The following ETV1 variants were observed in gnomAD, a reference collection of about 807,000 sequenced individuals.
The protein encoded by ETV1 is ETS translocation variant 1.
Under a neutral mutation model 62.3 loss-of-function variants are expected in ETV1, and 27 were observed. The observed-to-expected ratio is 0.43, with a 90% CI of 0.32 to 0.60. The LOEUF (loss-of-function observed/expected upper bound fraction) is 0.60. ETV1 is among the 20% of genes least tolerant of loss of function. The pLI is 0.06. For missense variants in ETV1, 605 were observed against 605.8 expected, an observed-to-expected ratio of 1.00 and a Z score of 0.01; for synonymous variants, 222 against 199.6, an observed-to-expected ratio of 1.11 and a Z score of -0.94.
intron 6 of ETV1, among the ~76,000 whole-genome samples, chr7:13,963,865 G>A (rs1790467275): frequency 6.6e-6 from 1 of 152,132 alleles, no homozygotes; most frequent in Non-Finnish European, 1.5e-5. Context: ...CACAAAATGG[G>A]ATGACTGACG....
At chr7:13,973,389 T>C (rs1781093071) in intron 6 of ETV1, among the ~76,000 whole-genome samples, 1 of 152,200 alleles carries the variant, frequency 6.6e-6, no homozygotes, top group Non-Finnish European at 1.5e-5. Context: ...CTGCCCCCAC[T>C]AAGCATACCC....
intron 6 of ETV1, among the ~76,000 whole-genome samples, chr7:13,968,841 T>C (rs34971179): frequency 0.011 from 1,602 of 152,244 alleles, 37 homozygotes; most frequent in African/African-American, 0.037. Context: ...CCAAGGTCTA[T>C]GATTTAGATT....
chr7:13,921,618 C>T (rs1300704665), intron 9 of ETV1, among the ~76,000 whole-genome samples: 2 of 152,158 alleles, frequency 1.3e-5, no homozygotes, highest in Admixed American at 6.6e-5. Context: ...AGAAAAACTG[C>T]CCAGTCTTTG....
At chr7:13,916,243 G>T (rs1270388627) in intron 9 of ETV1, among the ~76,000 whole-genome samples, 1 of 152,194 alleles carries the variant, frequency 6.6e-6, no homozygotes, top group Non-Finnish European at 1.5e-5. Context: ...TAGCTCGGAT[G>T]TACTGAATCT....
At position 13,911,293 on chromosome 7, in the gene ETV1, G is replaced by A. The variant is rs761678364; in HGVS notation, c.817C>T (p.His273Tyr). Residue 273 changes from histidine (H) to tyrosine (Y), a missense_variant, in exon 10 of 14, where the codon CAC (histidine) becomes TAC (tyrosine). Around this residue, in one of 3 missense-constraint regions of ETV1, gnomAD observed 426 missense variants for 377.8 expected, o/e 1.13. Transcript: ENST00000430479. ...CCTTCTTGCCTCATATAAATGGAGT[G>A]GCAGCTAGGCACTTCTGAAAGAGGA... ...FAYDSEVPSC[H>Y]SIYMRQEGFL... The A allele has an allele frequency of 6.2e-7, 1 of 1,612,096 alleles. No individual in the cohort carries two copies. The highest frequency in any genetic ancestry group is 2.2e-5 in the East Asian group (1 of 44,840).
intron 6 of ETV1, among the ~76,000 whole-genome samples, chr7:13,959,584 T>C (rs1055136450): frequency 5.9e-5 from 9 of 152,134 alleles, no homozygotes; most frequent in Admixed American, 4.6e-4. Context: ...AAATGATTGC[T>C]TAAAAATGGT....
At chr7:13,899,166 C>T (rs1782143177) in intron 13 of ETV1, among the ~76,000 whole-genome samples, 1 of 152,124 alleles carries the variant, frequency 6.6e-6, no homozygotes, top group African/African-American at 2.4e-5. Flanking sequence ...TGTGACAGCC[C>T]AGGCAATGTG....
intron 6 of ETV1, among the ~76,000 whole-genome samples, chr7:13,946,415 C>T (rs190190829): frequency 6.8e-4 from 103 of 152,220 alleles, no homozygotes; most frequent in African/African-American, 2.5e-3. Flanking sequence ...TTTAAGAGCT[C>T]CAAAATACCA....
chr7:13,977,389 G>A lies in ETV1; in HGVS notation c.235+38C>T, dbSNP rs767905692. ...AAAGAAGAAAGAAGGAAACCAGAAA[G>A]ACAGAAAAATACAAGAGATGAGTCA... On this transcript the variant is annotated intron_variant, in intron 6 of 13. Coordinates refer to ENST00000430479, the MANE Select transcript of ETV1 (RefSeq NM_004956.5). 3 of 1,367,162 alleles carry A rather than the reference G, an allele frequency of 2.2e-6. No individual in the cohort carries two copies. In the Admixed American group the frequency reaches 6.6e-5, roughly 30 times the overall value. The allele number at this position is 1,367,162 out of a possible 1,614,324, so 84.7% of individuals were successfully genotyped here.
intron 5 of ETV1, among the ~76,000 whole-genome samples, chr7:13,982,773 TG>T: frequency 6.6e-6 from 1 of 151,900 alleles, no homozygotes; most frequent in Non-Finnish European, 1.5e-5. Context: ...TTGCACCAAG[TG>T]GGGGAAAATA....
At chr7:13,913,734 T>C (rs1161462814) in intron 9 of ETV1, among the ~76,000 whole-genome samples, 1 of 151,808 alleles carries the variant, frequency 6.6e-6, no homozygotes, top group African/African-American at 2.4e-5. Context: ...ACTGATTTGT[T>C]GATTATTAGT....
chr7:13,925,915 T>C (rs1456768173), intron 9 of ETV1, among the ~76,000 whole-genome samples: 1 of 152,108 alleles, frequency 6.6e-6, no homozygotes, highest in African/African-American at 2.4e-5. Context: ...CACATAAGCA[T>C]TGTTAAAATA....
intron 11 of ETV1, among the ~76,000 whole-genome samples, chr7:13,906,825 G>A (rs1172239001): frequency 6.6e-6 from 1 of 152,086 alleles, no homozygotes; most frequent in Non-Finnish European, 1.5e-5. Context: ...CACAGGTGCA[G>A]AATAAATCCT....
intron 12 of ETV1, among the ~76,000 whole-genome samples, chr7:13,905,418 CT>C (rs1299966394): frequency 3.9e-5 from 6 of 152,154 alleles, no homozygotes; most frequent in Middle Eastern, 6.8e-3. Context: ...TCTTCCATTG[CT>C]TTTTTGGCTG....
rs757006753 is a variant in ETV1, at chr7:13,906,457, C to T, written c.1083G>A (p.Met361Ile). The change falls in exon 12 of 14, where the codon ATG becomes ATA. Residue 361 changes from methionine to isoleucine, a missense_variant. Physicochemically the swap from Met to Ile is conservative, Grantham distance 10 (BLOSUM62 1). Coordinates refer to ENST00000430479, the MANE Select transcript of ETV1 (RefSeq NM_004956.5). ...SHFIAWTGRG[M>I]EFKLIEPEEV... ...CTTCAGGCTCAATCAGTTTAAATTCCATGCCTCGACCAGTCCAGGCAATAA... is the reference window on the plus strand; with the variant it reads ...CTTCAGGCTCAATCAGTTTAAATTCTATGCCTCGACCAGTCCAGGCAATAA... The T allele has an allele frequency of 2.5e-6, 4 of 1,605,798 alleles. No homozygotes were observed. The highest frequency in any genetic ancestry group is 3.4e-6 in the Non-Finnish European group (4 of 1,176,334).
chr7:13,931,714 A>T lies in ETV1; in HGVS notation c.590T>A (p.Phe197Tyr). The change falls in exon 9 of 14, where the codon TTT becomes TAT. Residue 197 changes from phenylalanine to tyrosine, a missense_variant. Physicochemically the swap from Phe to Tyr is conservative, Grantham distance 22 (BLOSUM62 3). This residue lies in a region of ETV1 where 426 missense variants were observed against 377.8 expected (regional missense o/e 1.13). Transcript: ENST00000430479. ...CCTTGGCATCGTCGGCAAAGGAGGAAAGGAGTTACAGGGTTCAGAAAGCTG... is the reference window on the plus strand; with the variant it reads ...CCTTGGCATCGTCGGCAAAGGAGGATAGGAGTTACAGGGTTCAGAAAGCTG... Reference protein sequence around the residue: ...RRQLSEPCNSFPPLPTMPREG... With the variant: ...RRQLSEPCNSYPPLPTMPREG... 6.2e-7 allele frequency: 1 copy of T among 1,614,042 alleles called. No individual in the cohort carries two copies. The highest frequency in any genetic ancestry group is 8.5e-7 in the Non-Finnish European group (1 of 1,179,890).
At chr7:13,902,948 T>C (rs898848561) in intron 12 of ETV1, among the ~76,000 whole-genome samples, 7 of 152,198 alleles carry the variant, frequency 4.6e-5, no homozygotes, top group Admixed American at 3.9e-4. Context: ...ATATTCCTCA[T>C]AAAGTTGAGG....
Position 13,895,970 on chromosome 7 carries a change from C to T in ETV1, c.1330G>A (p.Glu444Lys), listed in dbSNP as rs776609162. 3.7e-6 allele frequency: 6 copies of T among 1,613,566 alleles called. No individual in the cohort carries two copies. The African/African-American group carries it at 4.0e-5, about 11-fold the overall frequency. ...TGAGAAAGAGGCACTGTGTCCTCCT[C>T]GTTGATGTGACGTTCCATGTCTGTC... ...LKTDMERHIN[E>K]EDTVPLSHFD... is the part of the protein sequence containing the mutation. The change falls in exon 14 of 14, where the codon GAG (glutamate) becomes AAG (lysine). Residue 444 changes from glutamate to lysine, a missense_variant. By Grantham distance (56) the Glu-to-Lys change is moderately conservative. Coordinates refer to ENST00000430479, the MANE Select transcript of ETV1 (RefSeq NM_004956.5).
chr7:13,973,467 T>C (rs1410167132), intron 6 of ETV1, among the ~76,000 whole-genome samples: 1 of 152,176 alleles, frequency 6.6e-6, no homozygotes, highest in Non-Finnish European at 1.5e-5. Context: ...AATTCCAATA[T>C]TTGATAAACT....
Sources: allele counts gnomAD v4.1 joint callset (sites outside exome capture counted in the v4.1 genomes callset), GRCh38; gene constraint gnomAD v4.1.1; regional missense constraint gnomAD v4.1.1; transcripts MANE v1.5; gene names NCBI Gene and HGNC (gene_info 2026-07-23, HGNC 2026-07-21).